Variants in MICU3 observed in about 807,000 individuals in gnomAD.
MICU3 encodes mitochondrial calcium uptake 3, also known as calcium uptake protein 3, mitochondrial.
Under a neutral mutation model 66.5 loss-of-function variants are expected in MICU3, and 62 were observed. The observed-to-expected ratio is 0.93, with a 90% CI of 0.76 to 1.15. The LOEUF is 1.15. Ranked by LOEUF, MICU3 falls within the 50% of genes most tolerant of loss-of-function variation. The probability of loss-of-function intolerance (pLI) is 0.00; values close to 1 mark genes in which losing one functional copy is unlikely to be tolerated. For synonymous variants in MICU3, 308 were observed against 240.7 expected (o/e 1.28, Z -2.59); for missense variants, 779 against 664.4 (o/e 1.17, Z -1.90).
intron 1 of MICU3, among the ~76,000 whole-genome samples, chr8:17,034,232 C>G (rs1812582125): frequency 6.6e-6 from 1 of 152,148 alleles, no homozygotes; most frequent in Non-Finnish European, 1.5e-5. Flanking sequence ...GCATGGTTTA[C>G]TGATTGTTTT....
At chr8:17,075,738 C>G (rs1307941645) in intron 3 of MICU3, among the ~76,000 whole-genome samples, 1 of 152,128 alleles carries the variant, frequency 6.6e-6, no homozygotes, top group Non-Finnish European at 1.5e-5. Flanking sequence ...AGTTCTGTGA[C>G]CTTGGGTGTT....
Position 17,098,627 on chromosome 8 carries a change from A to G in MICU3, c.984+74A>G, listed in dbSNP as rs879143918. Reference sequence around the variant, plus strand: ...ATCTAGTCGTCATTTCATTTTAGTCACAGTGATGAAACCCAACATGTATGT... The same window carrying G: ...ATCTAGTCGTCATTTCATTTTAGTCGCAGTGATGAAACCCAACATGTATGT... On this transcript the variant is annotated intron_variant, in intron 9 of 14. Coordinates refer to ENST00000318063, the MANE Select transcript of MICU3 (RefSeq NM_181723.3). 4.0e-6 allele frequency: 4 copies of G among 988,682 alleles called. No individual in the cohort carries two copies. In the South Asian group the frequency reaches 5.3e-5, roughly 13 times the overall value. 61.2% of individuals were successfully genotyped at this position (988,682 alleles called of 1,614,324 possible).
chr8:17,070,534 T>C (rs991172549), intron 3 of MICU3, among the ~76,000 whole-genome samples: 2 of 152,130 alleles, frequency 1.3e-5, no homozygotes, highest in Non-Finnish European at 2.9e-5. Flanking sequence ...TCATCAGTGA[T>C]GGGCTCAAAG....
At chr8:17,062,422 G>A (rs1817982024) in intron 1 of MICU3, among the ~76,000 whole-genome samples, 1 of 152,078 alleles carries the variant, frequency 6.6e-6, no homozygotes, top group African/African-American at 2.4e-5. Context: ...GTTAGAAGTG[G>A]GGAGCGAAAC....
intron 1 of MICU3, among the ~76,000 whole-genome samples, chr8:17,053,460 G>C (rs1816428784): frequency 6.6e-6 from 1 of 152,168 alleles, no homozygotes; most frequent in Non-Finnish European, 1.5e-5. Flanking sequence ...GATGTACTCT[G>C]TTGCCTGAAG....
chr8:17,108,133 A>G (rs968996646), intron 11 of MICU3, among the ~76,000 whole-genome samples: 9 of 152,180 alleles, frequency 5.9e-5, no homozygotes, highest in Non-Finnish European at 8.8e-5. Flanking sequence ...CCACAGGCTG[A>G]AACAATGCCA....
chr8:17,123,562 TG>T (rs925268348), downstream of MICU3, among the ~76,000 whole-genome samples: 4 of 152,006 alleles, frequency 2.6e-5, no homozygotes, highest in Non-Finnish European at 5.9e-5. Flanking sequence ...GTATTGAGCA[TG>T]GGGGGCAATT....
chr8:17,046,810 T>C (rs1342646522), intron 1 of MICU3, among the ~76,000 whole-genome samples: 2 of 152,088 alleles, frequency 1.3e-5, no homozygotes, highest in Non-Finnish European at 2.9e-5. Flanking sequence ...CCTCCTGGGC[T>C]CAGAGTAGAA....
chr8:17,034,627 T>C (rs11203825), intron 1 of MICU3, among the ~76,000 whole-genome samples: 16,253 of 152,222 alleles, frequency 0.11, 932 homozygotes, highest in South Asian at 0.22. Context: ...ATTCCAACTT[T>C]CATGGATGAC....
intron 1 of MICU3, among the ~76,000 whole-genome samples, chr8:17,038,780 C>T (rs796159155): frequency 2.0e-5 from 3 of 151,892 alleles, no homozygotes; most frequent in African/African-American, 4.8e-5. Context: ...GGTGAAACCC[C>T]GTCTCTACTG....
At chr8:17,089,448 C>G (rs536517300) in intron 7 of MICU3, among the ~76,000 whole-genome samples, 1 of 152,040 alleles carries the variant, frequency 6.6e-6, no homozygotes, top group Admixed American at 6.6e-5. Context: ...ACTTAGAAAA[C>G]ATTATGTAAA....
chr8:17,120,857 G>C lies in MICU3; in HGVS notation c.*570G>C, dbSNP rs557016903. 1.1e-4 allele frequency: 16 copies of C among 152,374 alleles called. No homozygotes were observed. The South Asian group carries it at 3.1e-3, about 30-fold the overall frequency. 9.4% of individuals were successfully genotyped at this position (152,374 alleles called of 1,614,324 possible). On this transcript the variant is annotated 3_prime_UTR_variant, in exon 15 of 15. Coordinates refer to ENST00000318063, the MANE Select transcript of MICU3 (RefSeq NM_181723.3). Reference sequence around the variant, plus strand: ...GCTACTATATAAAACAATTGTTTACGTGTACTTTTAACTTTTAAAAGTACT... The same window carrying C: ...GCTACTATATAAAACAATTGTTTACCTGTACTTTTAACTTTTAAAAGTACT...
chr8:17,038,788 C>A (rs1240893894), intron 1 of MICU3, among the ~76,000 whole-genome samples: 3 of 152,094 alleles, frequency 2.0e-5, no homozygotes, highest in Non-Finnish European at 4.4e-5. Flanking sequence ...CCCGTCTCTA[C>A]TGAAAGTACA....
At chr8:17,085,119 C>A in intron 5 of MICU3, 117 bp from the exon 6 acceptor site, 1 of 564,474 alleles carries the variant, frequency 1.8e-6, no homozygotes, top group Admixed American at 2.9e-5. Flanking sequence ...TACTTTTATA[C>A]GCTTTCTACT....
At chr8:17,113,682 A>G (rs1305895417) in intron 11 of MICU3, among the ~76,000 whole-genome samples, 1 of 152,194 alleles carries the variant, frequency 6.6e-6, no homozygotes, top group Non-Finnish European at 1.5e-5. Context: ...CATTTGAGGA[A>G]TACATGTGCA....
At chr8:17,077,746 G>C (rs753982818) in intron 3 of MICU3, 37 bp from the exon 4 acceptor site, 1 of 1,403,138 alleles carries the variant, frequency 7.1e-7, no homozygotes, top group African/African-American at 1.4e-5. Context: ...TTAGTAAGTT[G>C]TTTACCAATT....
chr8:17,090,209 A>G (rs1799904215), intron 7 of MICU3, among the ~76,000 whole-genome samples: 1 of 152,062 alleles, frequency 6.6e-6, no homozygotes, highest in African/African-American at 2.4e-5. Context: ...ATTTCCCCCT[A>G]TGCCATGTAG....
At chr8:17,090,265 G>A (rs756730421) in intron 7 of MICU3, among the ~76,000 whole-genome samples, 1 of 152,042 alleles carries the variant, frequency 6.6e-6, no homozygotes, top group African/African-American at 2.4e-5. Flanking sequence ...TCAGGACAAC[G>A]TGTTTTACTC....
chr8:17,100,404 T>G (rs1801155466), intron 9 of MICU3, among the ~76,000 whole-genome samples: 1 of 151,698 alleles, frequency 6.6e-6, no homozygotes, highest in Non-Finnish European at 1.5e-5. Flanking sequence ...GTAAAATAAT[T>G]ACTTGGGGTT....
Sources: allele counts gnomAD v4.1 joint callset (sites outside exome capture counted in the v4.1 genomes callset), GRCh38; gene constraint gnomAD v4.1.1; transcripts MANE v1.5; gene names NCBI Gene and HGNC (gene_info 2026-07-23, HGNC 2026-07-21).